Variants in OSBPL10 observed in about 807,000 individuals in gnomAD.
The protein encoded by OSBPL10 is oxysterol-binding protein-related protein 10.
Under a neutral mutation model 81.7 loss-of-function variants are expected in OSBPL10, and 49 were observed. The observed-to-expected ratio is 0.60, with a 90% CI of 0.48 to 0.76. The LOEUF (loss-of-function observed/expected upper bound fraction) is 0.76, where lower values mean the gene tolerates loss of function less well. Ranked by LOEUF, OSBPL10 falls within the 30% of genes least tolerant of loss-of-function variation. OSBPL10 has a pLI of 0.00. For missense variants in OSBPL10, 923 were observed against 987.8 expected, an observed-to-expected ratio of 0.93 and a Z score of 0.88; for synonymous variants, 419 against 383.6, an observed-to-expected ratio of 1.09 and a Z score of -1.08.
At chr3:31,850,247 T>C (rs2125574553) in intron 3 of OSBPL10, among the ~76,000 whole-genome samples, 1 of 152,094 alleles carries the variant, frequency 6.6e-6, no homozygotes, top group South Asian at 2.1e-4. Context: ...GGCAGAAGGA[T>C]CTCTTAAGCC....
At chr3:31,783,500 T>C (rs1381268717) in intron 4 of OSBPL10, among the ~76,000 whole-genome samples, 2 of 151,438 alleles carry the variant, frequency 1.3e-5, no homozygotes, top group Non-Finnish European at 2.9e-5. Flanking sequence ...CCAAAAACTA[T>C]TAAAATAAGG....
intron 4 of OSBPL10, among the ~76,000 whole-genome samples, chr3:31,814,416 C>T (rs566318671): frequency 2.6e-5 from 4 of 152,212 alleles, no homozygotes; most frequent in South Asian, 2.1e-4. Context: ...GAAATAGGAC[C>T]TGTGGAGATG....
chr3:31,999,359 C>CTT (rs5847729), intron 2 of OSBPL10, among the ~76,000 whole-genome samples: 5,577 of 125,776 alleles, frequency 0.044, 575 homozygotes, highest in African/African-American at 0.16. Flanking sequence ...ATATCAAAAT[C>CTT]TTTTTTTTTT....
intron 1 of OSBPL10, among the ~76,000 whole-genome samples, chr3:32,062,066 A>G (rs1283587786): frequency 1.3e-5 from 1 of 78,370 alleles, no homozygotes; most frequent in African/African-American, 3.0e-5. Flanking sequence ...GGTTCTCTTT[A>G]ATCTATGGTA....
intron 1 of OSBPL10, among the ~76,000 whole-genome samples, chr3:31,908,528 A>G (rs1041681651): frequency 6.6e-6 from 1 of 152,192 alleles, no homozygotes; most frequent in Non-Finnish European, 1.5e-5. Flanking sequence ...TAGAGGCAAG[A>G]TGGCCAGCCC....
intron 1 of OSBPL10, among the ~76,000 whole-genome samples, chr3:31,949,932 T>C (rs998611735): frequency 1.3e-5 from 2 of 152,044 alleles, no homozygotes; most frequent in African/African-American, 4.8e-5. Context: ...AATGAAAAAT[T>C]TTAGTTGTCA....
chr3:31,932,830 A>G (rs1434951620), intron 1 of OSBPL10, among the ~76,000 whole-genome samples: 1 of 152,106 alleles, frequency 6.6e-6, no homozygotes, highest in African/African-American at 2.4e-5. Flanking sequence ...AAATGAAAGT[A>G]TTCTCTCATT....
chr3:31,863,926 T>C (rs933771955), intron 3 of OSBPL10, among the ~76,000 whole-genome samples: 2 of 152,212 alleles, frequency 1.3e-5, no homozygotes, highest in African/African-American at 4.8e-5. Context: ...CTGTTACTAA[T>C]ACTGATACTA....
At chr3:31,936,807 A>G (rs551589118) in intron 1 of OSBPL10, among the ~76,000 whole-genome samples, 2 of 152,310 alleles carry the variant, frequency 1.3e-5, no homozygotes, top group South Asian at 4.1e-4. Context: ...TATGCTCTAC[A>G]CTGGGAAAGG....
At chr3:31,961,379 GATTTT>G (rs1265252500) in intron 1 of OSBPL10, among the ~76,000 whole-genome samples, 1 of 152,104 alleles carries the variant, frequency 6.6e-6, no homozygotes, top group Non-Finnish European at 1.5e-5. Context: ...TAGCGTCTCT[GATTTT>G]ATTTTAGTAG....
chr3:31,777,914 C>T (rs924108547), intron 4 of OSBPL10, among the ~76,000 whole-genome samples: 3 of 152,220 alleles, frequency 2.0e-5, no homozygotes, highest in Non-Finnish European at 4.4e-5. Flanking sequence ...CACAGGGGCA[C>T]TTGGGGAAGG....
chr3:31,753,823 G>C (rs1368952847), intron 4 of OSBPL10, among the ~76,000 whole-genome samples: 2 of 152,142 alleles, frequency 1.3e-5, no homozygotes, highest in Non-Finnish European at 2.9e-5. Context: ...CAAACTTCCA[G>C]TTCTTGATAA....
chr3:31,821,414 C>G (rs956998645), intron 4 of OSBPL10, among the ~76,000 whole-genome samples: 1 of 152,146 alleles, frequency 6.6e-6, no homozygotes. Context: ...TCCAGCCAAC[C>G]TGCTTCACTA....
At chr3:31,805,878 G>A (rs1017733033) in intron 4 of OSBPL10, among the ~76,000 whole-genome samples, 7 of 152,190 alleles carry the variant, frequency 4.6e-5, no homozygotes, top group African/African-American at 1.7e-4. Context: ...TGGTAGCAGG[G>A]TTTAATAGTT....
intron 2 of OSBPL10, among the ~76,000 whole-genome samples, chr3:32,044,541 C>T (rs12172933): frequency 0.044 from 6,629 of 151,004 alleles, 403 homozygotes; most frequent in African/African-American, 0.13. Context: ...CGGGAGTTAG[C>T]GACCAAGCCT....
intron 2 of OSBPL10, among the ~76,000 whole-genome samples, chr3:32,025,051 G>T (rs977160598): frequency 6.6e-6 from 1 of 152,176 alleles, no homozygotes; most frequent in African/African-American, 2.4e-5. Context: ...AGTGGTGGGA[G>T]TAGACAGTCT....
At chr3:31,730,070 C>T (rs528226529) in intron 6 of OSBPL10, among the ~76,000 whole-genome samples, 58 of 152,272 alleles carry the variant, frequency 3.8e-4, no homozygotes, top group African/African-American at 1.1e-3. Context: ...TGGCCGGGCA[C>T]GGTGGCTCAC....
At chr3:32,026,397 A>C (rs1026530576) in intron 2 of OSBPL10, among the ~76,000 whole-genome samples, 3 of 152,142 alleles carry the variant, frequency 2.0e-5, no homozygotes, top group Non-Finnish European at 4.4e-5. Context: ...CTCCCAAAGC[A>C]GTGGAATTAT....
At chr3:31,911,471 C>T (rs1696575787) in intron 1 of OSBPL10, among the ~76,000 whole-genome samples, 1 of 152,108 alleles carries the variant, frequency 6.6e-6, no homozygotes, top group African/African-American at 2.4e-5. Flanking sequence ...CGAAACACCA[C>T]TAAGCTTGGG....
Sources: allele counts gnomAD v4.1 joint callset (sites outside exome capture counted in the v4.1 genomes callset), GRCh38; gene constraint gnomAD v4.1.1; transcripts MANE v1.5; gene names NCBI Gene and HGNC (gene_info 2026-07-23, HGNC 2026-07-21).